SOCS4: variants seen among roughly 807,000 people sequenced by gnomAD.
The protein encoded by SOCS4 is suppressor of cytokine signaling 4, also known as SH2 domain containing SOCS box protein.
A neutral mutation model predicts 34.1 loss-of-function variants in SOCS4; 20 were observed. The observed-to-expected ratio is 0.59, with a 90% confidence interval of 0.41 to 0.85. The LOEUF is 0.85. Ranked by LOEUF, SOCS4 falls within the 40% of genes least tolerant of loss-of-function variation. The pLI, the probability that SOCS4 is intolerant of heterozygous loss-of-function variation, is 0.00. For synonymous variants in SOCS4, 180 were observed against 186.4 expected (o/e 0.97, Z 0.28); for missense variants, 479 against 532.4 (o/e 0.90, Z 0.99).
In SOCS4 at chr14:55,037,460, A is replaced by G. The variant is rs116348854; in HGVS notation, c.-91+5469A>G. On this transcript the variant is annotated intron_variant, in intron 2 of 2. Transcript: ENST00000555846. ...CCTAACAATCATATTTTTAATTTCC[A>G]AAAAAATTCTTATTCTAGTTGTCTC... is the stretch of plus-strand genomic sequence containing the variant. 9.4e-3 allele frequency among the ~76,000 whole-genome samples: 1,403 copies of G among 149,008 alleles called. 22 individuals carry two copies. Among genetic ancestry groups the G allele is most frequent in the African/African-American group, 0.033 (1,346 of 40,564 alleles).
rs2042672161 is a variant in SOCS4, at chr14:55,045,956, TA to T, written c.*1594del. On this transcript the variant is annotated 3_prime_UTR_variant, in exon 3 of 3. Coordinates refer to ENST00000555846, the MANE Select transcript of SOCS4 (RefSeq NM_199421.2). ...TTAACATGAAAATGGCATTTTTCCA[TA>T]ATAGCTTTAAAATAATTTTTTAGTA... is the stretch of plus-strand genomic sequence containing the variant. The T allele has an allele frequency of 6.0e-6, 1 of 166,926 alleles. No homozygotes were observed. The highest frequency in any genetic ancestry group is 6.5e-5 in the Admixed American group (1 of 15,284). 10.3% of individuals were successfully genotyped at this position (166,926 alleles called of 1,614,324 possible).
chr14:55,043,222 T>C lies in SOCS4; in HGVS notation c.181T>C (p.Ser61Pro), dbSNP rs2042636405. ...TVNGIEKTEVSLRNQERKHSC... is the reference protein window; with the variant it reads ...TVNGIEKTEVPLRNQERKHSC... ...GAATGGTATAGAGAAAACCGAAGTGTCTTTAAGGAACCAAGAAAGGAAGCA... is the reference window on the plus strand; with the variant it reads ...GAATGGTATAGAGAAAACCGAAGTGCCTTTAAGGAACCAAGAAAGGAAGCA... The change falls in exon 3 of 3, where the codon TCT becomes CCT. Residue 61 changes from serine (S) to proline (P), a missense_variant. Physicochemically the swap from Ser to Pro is moderately conservative, Grantham distance 74. Coordinates refer to ENST00000555846, the MANE Select transcript of SOCS4 (RefSeq NM_199421.2). 1 of 1,614,230 alleles carries C rather than the reference T, an allele frequency of 6.2e-7. No homozygotes were observed. Among genetic ancestry groups the C allele is most frequent in the Admixed American group, 1.7e-5 (1 of 60,024 alleles).
At position 55,034,776 on chromosome 14, in the gene SOCS4, C is replaced by T. The variant is rs532338795; in HGVS notation, c.-91+2785C>T. 2.0e-5 allele frequency among the ~76,000 whole-genome samples: 3 copies of T among 150,772 alleles called. 1 individual carries two copies. The highest frequency in any genetic ancestry group is 7.3e-5 in the African/African-American group (3 of 41,036). ...ACTTGCACCCAGGCAGCAGAGGTTG[C>T]GCCACTGCACTCCAGCCTGGGCGAC... On this transcript the variant is annotated intron_variant, in intron 2 of 2. Coordinates refer to ENST00000555846, the MANE Select transcript of SOCS4 (RefSeq NM_199421.2).
chr14:55,032,534 A>T lies in SOCS4; in HGVS notation c.-91+543A>T, dbSNP rs116255695. On this transcript the variant is annotated intron_variant, in intron 2 of 2. Transcript: ENST00000555846. ...TTTTGCTCATTAAGAAATATGACTT[A>T]AAAAAAAAAAGATGTCATTCTGTAC... Among the ~76,000 whole-genome samples the T allele has an allele frequency of 9.8e-3, 1,434 of 145,830 alleles. 21 individuals are homozygous for T. Among genetic ancestry groups the T allele is most frequent in the African/African-American group, 0.035 (1,374 of 39,474 alleles).
intron 2 of SOCS4, among the ~76,000 whole-genome samples, chr14:55,041,608 G>T (rs773626105): frequency 2.0e-5 from 3 of 150,770 alleles, no homozygotes; most frequent in Non-Finnish European, 4.4e-5. Context: ...CCTAGTAGCT[G>T]GGATTACAGG....
chr14:55,030,935 G>A (rs907788795), intron 1 of SOCS4, among the ~76,000 whole-genome samples: 1 of 151,872 alleles, frequency 6.6e-6, no homozygotes, highest in Non-Finnish European at 1.5e-5. Context: ...TGCTTAATTG[G>A]TCTCACAAGA....
chr14:55,039,500 T>G (rs2042599274), intron 2 of SOCS4, among the ~76,000 whole-genome samples: 1 of 152,166 alleles, frequency 6.6e-6, no homozygotes, highest in Admixed American at 6.5e-5. Context: ...TAATAATCAC[T>G]GAAACATTTT....
chr14:55,035,481 A>G (rs1040887460), intron 2 of SOCS4, among the ~76,000 whole-genome samples: 6 of 152,204 alleles, frequency 3.9e-5, no homozygotes, highest in Non-Finnish European at 5.9e-5. Flanking sequence ...CCTGAAAATT[A>G]TATTTGCTCA....
In SOCS4 at chr14:55,028,482, C is replaced by T. The variant is rs1232233401; in HGVS notation, c.-220+1011C>T. Among the ~76,000 whole-genome samples, 4 of 151,774 alleles carry T rather than the reference C, an allele frequency of 2.6e-5. No individual in the cohort carries two copies. In the East Asian group the frequency reaches 7.7e-4, roughly 29 times the overall value. On this transcript the variant is annotated intron_variant, in intron 1 of 2. Transcript: ENST00000555846. ...CTTATAAATTTTTTCGTTCAAGTAA[C>T]AATATCATTGGCTAGAGTACATAGA...
At chr14:55,028,433 T>A (rs1000321054) in intron 1 of SOCS4, among the ~76,000 whole-genome samples, 2 of 151,900 alleles carry the variant, frequency 1.3e-5, no homozygotes, top group African/African-American at 4.8e-5. Context: ...TTTTTGGAGA[T>A]CATTTGTTTT....
Position 55,045,697 on chromosome 14 carries a change from T to G in SOCS4, c.*1333T>G, listed in dbSNP as rs2042669341. On this transcript the variant is annotated 3_prime_UTR_variant, in exon 3 of 3. Transcript: ENST00000555846. The stretch of plus-strand genomic sequence containing the variant: ...TATCCTATCTTCTTTTTTTAAGGAA[T>G]CAATGAATAATAAATGTAGATAGAC... The G allele has an allele frequency of 6.0e-6, 1 of 166,932 alleles. No homozygotes were observed. The highest frequency in any genetic ancestry group is 1.5e-5 in the Non-Finnish European group (1 of 67,994). The allele number at this position is 166,932 out of a possible 1,614,324, so 10.3% of individuals were successfully genotyped here. A position where few individuals can be genotyped will look rare whatever the true frequency, so the allele number is the denominator to read the frequency against.
chr14:55,036,632 C>T lies in SOCS4; in HGVS notation c.-91+4641C>T, dbSNP rs188248017. On this transcript the variant is annotated intron_variant, in intron 2 of 2. Transcript: ENST00000555846. ...GTGCTGGGATTACAGGCTTGAGCCA[C>T]CACACCCGGCCATTCCTGGGAAATT... Among the ~76,000 whole-genome samples, 4 of 152,242 alleles carry T rather than the reference C, an allele frequency of 2.6e-5. No individual in the cohort carries two copies. The East Asian group carries it at 7.7e-4, about 29-fold the overall frequency.
intron 1 of SOCS4, among the ~76,000 whole-genome samples, chr14:55,031,100 T>C (rs1293299293): frequency 6.6e-6 from 1 of 152,164 alleles, no homozygotes; most frequent in East Asian, 1.9e-4. Flanking sequence ...AATTACAGAT[T>C]GGAAGAAAAA....
chr14:55,040,692 C>T (rs1285348303), intron 2 of SOCS4, among the ~76,000 whole-genome samples: 2 of 151,628 alleles, frequency 1.3e-5, no homozygotes, highest in East Asian at 1.9e-4. Flanking sequence ...TGCAGTGAGT[C>T]GAGATCATGC....
Position 55,044,181 on chromosome 14 carries a change from C to A in SOCS4, c.1140C>A (p.Pro380=). The change falls in exon 3 of 3, where the codon CCC becomes CCA. Residue 380 remains proline, a synonymous_variant. Coordinates refer to ENST00000555846, the MANE Select transcript of SOCS4 (RefSeq NM_199421.2). The stretch of plus-strand genomic sequence containing the variant: ...TCTTTGAACCACTTCTATCCACTCC[C>A]TTAATTCGGACTTTCCCTTTTTCCC... ...CMFFEPLLST[P]LIRTFPFSLQ... is the part of the protein sequence containing the mutation. 2 of 1,614,078 alleles carry A rather than the reference C, an allele frequency of 1.2e-6. No individual in the cohort carries two copies. Among genetic ancestry groups the A allele is most frequent in the Non-Finnish European group, 1.7e-6 (2 of 1,179,970 alleles).
chr14:55,028,097 TATCA>T (rs1462975862), intron 1 of SOCS4, among the ~76,000 whole-genome samples: 1 of 152,232 alleles, frequency 6.6e-6, no homozygotes, highest in Non-Finnish European at 1.5e-5. Flanking sequence ...TACCTTCCAG[TATCA>T]ATCACATTTA....
rs148612388 is a variant in SOCS4 at position 55,043,216 on chromosome 14, G to A, written c.175G>A (p.Glu59Lys). Residue 59 changes from glutamate to lysine, a missense_variant, in exon 3 of 3, where the codon GAA becomes AAA. Transcript: ENST00000555846. Reference protein sequence around the residue: ...AETVNGIEKTEVSLRNQERKH... With the variant: ...AETVNGIEKTKVSLRNQERKH... ...GACAGTGAATGGTATAGAGAAAACC[G>A]AAGTGTCTTTAAGGAACCAAGAAAG... 3.1e-5 allele frequency: 50 copies of A among 1,614,214 alleles called. No homozygotes were observed. In the African/African-American group the frequency reaches 4.0e-4, roughly 13 times the overall value.
chr14:55,043,798 G>T lies in SOCS4; in HGVS notation c.757G>T (p.Asp253Tyr). Residue 253 changes from aspartate (D) to tyrosine (Y), a missense_variant, in exon 3 of 3, where the codon GAT (aspartate) becomes TAT (tyrosine). By Grantham distance (160) the Asp-to-Tyr change is radical. Transcript: ENST00000555846. Reference protein sequence around the residue: ...KRNKPKWDLDDEILQLETPPK... With the variant: ...KRNKPKWDLDYEILQLETPPK... ...AAACAAACCCAAATGGGATTTGGAT[G>T]ATGAAATCCTGCAGTTGGAAACACC... 6.2e-7 allele frequency: 1 copy of T among 1,614,154 alleles called. No homozygotes were observed. Among genetic ancestry groups the T allele is most frequent in the Non-Finnish European group, 8.5e-7 (1 of 1,180,006 alleles).
intron 2 of SOCS4, among the ~76,000 whole-genome samples, chr14:55,034,848 ACT>A (rs779432539): frequency 4.5e-4 from 67 of 147,692 alleles, no homozygotes; most frequent in Middle Eastern, 3.5e-3. Flanking sequence ...CATTGCATTA[ACT>A]CTCTCTCTGT....
Sources: allele counts gnomAD v4.1 joint callset (sites outside exome capture counted in the v4.1 genomes callset), GRCh38; gene constraint gnomAD v4.1.1; transcripts MANE v1.5; gene names NCBI Gene and HGNC (gene_info 2026-07-23, HGNC 2026-07-21).